The following FBXO17 variants were observed in gnomAD, a reference collection of about 807,000 sequenced individuals.
FBXO17 encodes F-box only protein 17.
FBXO17 carries 43 observed loss-of-function variants against 34.1 expected under a neutral mutation model. The ratio of observed to expected loss-of-function variants is 1.26; its 90% CI spans 0.99 to 1.62. The LOEUF (loss-of-function observed/expected upper bound fraction) is 1.62. FBXO17 is among the 40% of genes most tolerant of loss of function. The probability of loss-of-function intolerance (pLI) is 0.00; values close to 1 mark genes in which losing one functional copy is unlikely to be tolerated. For synonymous variants in FBXO17, 169 were observed against 166.0 expected, an observed-to-expected ratio of 1.02 and a Z score of -0.14; for missense variants, 424 against 386.7, an observed-to-expected ratio of 1.10 and a Z score of -0.81.
At position 38,950,021 on chromosome 19, in the gene FBXO17, C is replaced by G; in HGVS notation, c.299G>C (p.Cys100Ser). 7.0e-6 allele frequency: 11 copies of G among 1,562,538 alleles called. No individual in the cohort carries two copies. The highest frequency in any genetic ancestry group is 9.5e-6 in the Non-Finnish European group (11 of 1,155,050). Reference sequence around the variant, plus strand: ...ATTGCGGCCGAAGGGCGCGCGCAGACAGTAGCGCGCCAGGGCGCACAGCGG... The same window carrying G: ...ATTGCGGCCGAAGGGCGCGCGCAGAGAGTAGCGCGCCAGGGCGCACAGCGG... ...EFPLCALARY[C>S]LRAPFGRNLI... The change falls in exon 2 of 6, where the codon TGT (cysteine) becomes TCT (serine). Residue 100 changes from cysteine to serine, a missense_variant. By Grantham distance (112) the Cys-to-Ser change is moderately radical. Coordinates refer to ENST00000292852, the MANE Select transcript of FBXO17 (RefSeq NM_024907.7).
chr19:38,950,977 AGACGGG>A (rs1975074938), intron 1 of FBXO17, among the ~76,000 whole-genome samples: 1 of 151,234 alleles, frequency 6.6e-6, no homozygotes, highest in African/African-American at 2.4e-5. Flanking sequence ...TTTTTAGTAG[AGACGGG>A]GTTTCACCAT....
At chr19:38,954,148 T>G (rs1975127778) in intron 1 of FBXO17, among the ~76,000 whole-genome samples, 1 of 151,846 alleles carries the variant, frequency 6.6e-6, no homozygotes, top group Admixed American at 6.6e-5. Flanking sequence ...GCTGTGTTGT[T>G]TTTTAGCTCA....
At chr19:38,944,892 G>C in intron 5 of FBXO17, 77 bp downstream of exon 5, 1 of 1,573,968 alleles carries the variant, frequency 6.4e-7, no homozygotes, top group Non-Finnish European at 8.6e-7. Context: ...GTGACAGAAG[G>C]GAAACCGAGC....
intron 1 of FBXO17, among the ~76,000 whole-genome samples, chr19:38,974,929 T>A (rs1975441133): frequency 6.6e-6 from 1 of 152,102 alleles, no homozygotes; most frequent in Admixed American, 6.6e-5. Flanking sequence ...TTTAAAGAAG[T>A]ATTATTTATT....
chr19:38,970,103 CAAT>C (rs1287425108), intron 1 of FBXO17, among the ~76,000 whole-genome samples: 2 of 148,610 alleles, frequency 1.3e-5, no homozygotes, highest in Admixed American at 6.8e-5. Context: ...CTATATAGCA[CAAT>C]AATACAAATA....
At chr19:38,954,872 C>T (rs535370555) in intron 1 of FBXO17, among the ~76,000 whole-genome samples, 33 of 149,230 alleles carry the variant, frequency 2.2e-4, no homozygotes, top group African/African-American at 7.2e-4. Flanking sequence ...TGAGCCACTG[C>T]GCCTGCCCTG....
chr19:38,948,519 T>C, intron 3 of FBXO17, 48 bp downstream of exon 3: 1 of 1,490,508 alleles, frequency 6.7e-7, no homozygotes, highest in Non-Finnish European at 9.2e-7. Context: ...GTCCCTTTCT[T>C]TGGGGCCTTT....
intron 1 of FBXO17, among the ~76,000 whole-genome samples, chr19:38,961,251 T>C (rs1187552572): frequency 6.6e-6 from 1 of 151,386 alleles, no homozygotes; most frequent in Non-Finnish European, 1.5e-5. Context: ...CTGTTTAAAA[T>C]GTAGCAATTT....
chr19:38,941,970 G>A lies in FBXO17; in HGVS notation c.*638C>T, dbSNP rs1321634937. 1 of 152,090 alleles carries A rather than the reference G, an allele frequency of 6.6e-6. No individual in the cohort carries two copies. Among genetic ancestry groups the A allele is most frequent in the Non-Finnish European group, 1.5e-5 (1 of 68,038 alleles). 9.4% of individuals were successfully genotyped at this position (152,090 alleles called of 1,614,324 possible). A position where few individuals can be genotyped will look rare whatever the true frequency, so the allele number is the denominator to read the frequency against. ...TCTCTGCTCCCTGCGTCGGCAGAGG[G>A]ATTTATAAGCCCTCTCTTATAAATC... On this transcript the variant is annotated 3_prime_UTR_variant, in exon 6 of 6. Transcript: ENST00000292852.
At chr19:38,974,599 C>T (rs1485687466) in intron 1 of FBXO17, among the ~76,000 whole-genome samples, 1 of 151,940 alleles carries the variant, frequency 6.6e-6, no homozygotes, top group Non-Finnish European at 1.5e-5. Context: ...AAAGTTGTCT[C>T]CTATTTTTAG....
chr19:38,953,241 A>T (rs553144970), intron 1 of FBXO17, among the ~76,000 whole-genome samples: 16 of 152,132 alleles, frequency 1.1e-4, no homozygotes, highest in African/African-American at 3.9e-4. Context: ...CGGGAGTTGG[A>T]GGCTGCAGTG....
At chr19:38,973,142 A>G (rs1329762846) in intron 1 of FBXO17, among the ~76,000 whole-genome samples, 4 of 152,234 alleles carry the variant, frequency 2.6e-5, no homozygotes, top group Admixed American at 6.5e-5. Flanking sequence ...TGGGAGGCCA[A>G]CGCGGGTGGA....
chr19:38,950,170 G>C lies in FBXO17; in HGVS notation c.150C>G (p.Arg50=), dbSNP rs756860939. The C allele has an allele frequency of 6.4e-7, 1 of 1,559,296 alleles. No homozygotes were observed. Among genetic ancestry groups the C allele is most frequent in the Non-Finnish European group, 8.6e-7 (1 of 1,158,738 alleles). ...TRCRPVCRAW[R]DIVDGPTVWL... is the part of the protein sequence containing the mutation. ...ACACAGTGGGCCCGTCCACTATGTC[G>C]CGCCAGGCGCGGCACACTGGGCGGC... Residue 50 remains arginine (R), a synonymous_variant, in exon 2 of 6, where the codon CGC becomes CGG. Coordinates refer to ENST00000292852, the MANE Select transcript of FBXO17 (RefSeq NM_024907.7).
rs533864845 is a variant in FBXO17 at position 38,963,197 on chromosome 19, A to G, written c.-18+12389T>C. Among the ~76,000 whole-genome samples, 6 of 152,222 alleles carry G rather than the reference A, an allele frequency of 3.9e-5. No individual in the cohort carries two copies. The East Asian group carries it at 9.7e-4, about 25-fold the overall frequency. On this transcript the variant is annotated intron_variant, in intron 1 of 5. Transcript: ENST00000292852. ...TCCTTGTGAAGAAGTCATCTGGGCCAGGCACAGTGGCTCATGCCTGTAATA... is the reference window on the plus strand; with the variant it reads ...TCCTTGTGAAGAAGTCATCTGGGCCGGGCACAGTGGCTCATGCCTGTAATA...
intron 1 of FBXO17, among the ~76,000 whole-genome samples, chr19:38,966,447 TTAA>T (rs1444973264): frequency 6.6e-6 from 1 of 152,074 alleles, no homozygotes; most frequent in East Asian, 1.9e-4. Context: ...CTCAACATTC[TTAA>T]TTATTTCTGA....
chr19:38,949,534 A>AT (rs758914338), intron 2 of FBXO17, among the ~76,000 whole-genome samples: 15,930 of 139,518 alleles, frequency 0.11, 927 homozygotes, highest in African/African-American at 0.15. Flanking sequence ...GCACCCCACC[A>AT]TTTTTTTTTT....
chr19:38,970,037 G>A (rs80206021), intron 1 of FBXO17, among the ~76,000 whole-genome samples: 2,031 of 152,106 alleles, frequency 0.013, 54 homozygotes, highest in African/African-American at 0.043. Context: ...AAAAGTCCCA[G>A]ATGCCTGTCC....
intron 1 of FBXO17, among the ~76,000 whole-genome samples, chr19:38,959,392 C>T (rs1299138624): frequency 6.6e-6 from 1 of 150,968 alleles, no homozygotes; most frequent in East Asian, 2.0e-4. Flanking sequence ...AATTGTCCTG[C>T]CTCAGCCTCC....
intron 4 of FBXO17, 69 bp downstream of exon 4, chr19:38,946,403 T>C: frequency 1.2e-6 from 2 of 1,604,224 alleles, no homozygotes; most frequent in Non-Finnish European, 8.5e-7. Flanking sequence ...GGGCGGGAAA[T>C]GAGCCCCTGT....
Sources: allele counts gnomAD v4.1 joint callset (sites outside exome capture counted in the v4.1 genomes callset), GRCh38; gene constraint gnomAD v4.1.1; transcripts MANE v1.5; gene names NCBI Gene and HGNC (gene_info 2026-07-23, HGNC 2026-07-21).